Variants in PIGZ observed in about 807,000 individuals in gnomAD.
The protein encoded by PIGZ is GPI alpha-1,2-mannosyltransferase 4.
PIGZ carries 16 observed loss-of-function variants against 16.4 expected under a neutral mutation model. The observed-to-expected ratio is 0.97, with a 90% CI of 0.66 to 1.48. The LOEUF is 1.48. Ranked by LOEUF, PIGZ falls within the 40% of genes most tolerant of loss-of-function variation. The pLI is 0.00. For synonymous variants in PIGZ, 409 were observed against 338.4 expected (o/e 1.21, Z -2.29); for missense variants, 770 against 739.2 (o/e 1.04, Z -0.48).
At chr3:196,956,422 T>C (rs1438896392) in intron 1 of PIGZ, among the ~76,000 whole-genome samples, 3 of 152,050 alleles carry the variant, frequency 2.0e-5, no homozygotes, top group Non-Finnish European at 1.5e-5. Context: ...AAAGGGGGTT[T>C]CCCCTTATAA....
chr3:196,946,713 C>CA lies in PIGZ; in HGVS notation c.*443dup, dbSNP rs1405429873. The stretch of plus-strand genomic sequence containing the variant: ...CTATACTTCGTCTCACTGACTTGCA[C>CA]ATATTTCGATAGGCAGATGGGTCTT... On this transcript the variant is annotated 3_prime_UTR_variant, in exon 3 of 3. Transcript: ENST00000412723. 1 of 154,634 alleles carries CA rather than the reference C, an allele frequency of 6.5e-6. No homozygotes were observed. The highest frequency in any genetic ancestry group is 2.4e-5 in the African/African-American group (1 of 41,522). The allele number at this position is 154,634 out of a possible 1,614,324, so 9.6% of individuals were successfully genotyped here. A position where few individuals can be genotyped will look rare whatever the true frequency, so the allele number is the denominator to read the frequency against.
At chr3:196,968,202 C>A (rs1473494948) in intron 1 of PIGZ, among the ~76,000 whole-genome samples, 1 of 152,204 alleles carries the variant, frequency 6.6e-6, no homozygotes, top group African/African-American at 2.4e-5. Context: ...CGAAGTGCAG[C>A]CCCCGAGGCC....
At chr3:196,957,440 T>C (rs556011966) in intron 1 of PIGZ, among the ~76,000 whole-genome samples, 2 of 151,372 alleles carry the variant, frequency 1.3e-5, no homozygotes, top group East Asian at 3.9e-4. Context: ...TGGAGTGCAG[T>C]GGCATGATCT....
rs1716881716 is a variant in PIGZ at position 196,946,499 on chromosome 3, A to AG, written c.*657dup. The AG allele has an allele frequency of 6.6e-6, 1 of 152,256 alleles. No individual in the cohort carries two copies. The highest frequency in any genetic ancestry group is 1.5e-5 in the Non-Finnish European group (1 of 68,064). 9.4% of individuals were successfully genotyped at this position (152,256 alleles called of 1,614,324 possible). A position where few individuals can be genotyped will look rare whatever the true frequency, so the allele number is the denominator to read the frequency against. On this transcript the variant is annotated 3_prime_UTR_variant, in exon 3 of 3. Transcript: ENST00000412723. ...TTGTGAGAGCTGTGCCTGTTGAGGC[A>AG]GGGGACGTGTACTGTGGACTCCAGG...
At chr3:196,948,831 T>C (rs11719142) in intron 2 of PIGZ, 146 bp from the exon 3 acceptor site, 51,381 of 404,816 alleles carry the variant, frequency 0.13, 4,501 homozygotes, top group Middle Eastern at 0.21. Context: ...TTTTCCTCCC[T>C]TCCCTCCCTC....
In PIGZ at chr3:196,948,152, G is replaced by A. The variant is rs1362247373; in HGVS notation, c.745C>T (p.Pro249Ser). 2.5e-6 allele frequency: 4 copies of A among 1,611,724 alleles called. No individual in the cohort carries two copies. The Admixed American group carries it at 5.0e-5, about 20-fold the overall frequency. Reference sequence around the variant, plus strand: ...TCCCGGGTCAGAGACTTCAAACCAGGGTTTGTGGCTCCACGAGTGCCCCAG... The same window carrying A: ...TCCCGGGTCAGAGACTTCAAACCAGAGTTTGTGGCTCCACGAGTGCCCCAG... ...YLWGTRGATN[P>S]GLKSLTREAL... The change falls in exon 3 of 3, where the codon CCT (proline) becomes TCT (serine). Residue 249 changes from proline to serine, a missense_variant. By Grantham distance (74) the Pro-to-Ser change is moderately conservative (BLOSUM62 -1). Coordinates refer to ENST00000412723, the MANE Select transcript of PIGZ (RefSeq NM_025163.4).
At position 196,948,464 on chromosome 3, in the gene PIGZ, A is replaced by G. The variant is rs763406011; in HGVS notation, c.433T>C (p.Tyr145His). The change falls in exon 3 of 3, where the codon TAC (tyrosine) becomes CAC (histidine). Residue 145 changes from tyrosine (Y) to histidine (H), a missense_variant. Transcript: ENST00000412723. ...ALSFALDGAV[Y>H]HLAPPMGADR... ...GCCCCCATCGGCGGGGCCAGGTGGTACACGGCCCCGTCCAGAGCAAAGGAA... is the reference window on the plus strand; with the variant it reads ...GCCCCCATCGGCGGGGCCAGGTGGTGCACGGCCCCGTCCAGAGCAAAGGAA... 5 of 1,613,904 alleles carry G rather than the reference A, an allele frequency of 3.1e-6. No individual in the cohort carries two copies. In the Admixed American group the frequency reaches 6.7e-5, roughly 22 times the overall value.
rs1237902081 is a variant in PIGZ at position 196,948,441 on chromosome 3, C to T, written c.456G>A (p.Gly152=). The T allele has an allele frequency of 6.2e-7, 1 of 1,614,146 alleles. No individual in the cohort carries two copies. The highest frequency in any genetic ancestry group is 1.7e-5 in the Admixed American group (1 of 60,016). ...GAVYHLAPPM[G]ADRWNALALL... is the part of the protein sequence containing the mutation. ...GGGCCAGGGCGTTCCAGCGATCCGC[C>T]CCCATCGGCGGGGCCAGGTGGTACA... Residue 152 remains glycine, a synonymous_variant, in exon 3 of 3, where the codon GGG becomes GGA. Coordinates refer to ENST00000412723, the MANE Select transcript of PIGZ (RefSeq NM_025163.4).
chr3:196,961,170 TA>T (rs1717708690), intron 1 of PIGZ, among the ~76,000 whole-genome samples: 2 of 152,206 alleles, frequency 1.3e-5, no homozygotes, highest in African/African-American at 4.8e-5. Context: ...AATGGCTTTC[TA>T]ACCCTGAGTC....
rs1432094719 is a variant in PIGZ, at chr3:196,966,695, C to T, written c.-1+1992G>A. 2.0e-5 allele frequency among the ~76,000 whole-genome samples: 3 copies of T among 152,364 alleles called. No homozygotes were observed. In the East Asian group the frequency reaches 5.8e-4, roughly 29 times the overall value. On this transcript the variant is annotated intron_variant, in intron 1 of 2. Transcript: ENST00000412723. ...GCTGGCGTCTCTCCAGTCTGAGACC[C>T]CACTGGAGGAGCTGTCCATGTGGCT...
Position 196,947,554 on chromosome 3 carries a change from G to T in PIGZ, c.1343C>A (p.Ala448Asp), listed in dbSNP as rs1469965254. The T allele has an allele frequency of 6.2e-7, 1 of 1,613,674 alleles. No homozygotes were observed. Among genetic ancestry groups the T allele is most frequent in the Non-Finnish European group, 8.5e-7 (1 of 1,180,000 alleles). The stretch of plus-strand genomic sequence containing the variant: ...GGTGGGTGTGCTTGGGAGCACAGGG[G>T]CATGGACCACCTGCTCCAGGTACTC... ...GLEYLEQVVH[A>D]PVLPSTPTHY... Residue 448 changes from alanine to aspartate, a missense_variant, in exon 3 of 3, where the codon GCC (alanine) becomes GAC (aspartate). Physicochemically the swap from Ala to Asp is moderately radical, Grantham distance 126. Transcript: ENST00000412723.
chr3:196,954,046 G>C (rs1211536302), intron 1 of PIGZ, among the ~76,000 whole-genome samples: 1 of 151,986 alleles, frequency 6.6e-6, no homozygotes, highest in Non-Finnish European at 1.5e-5. Context: ...CCTTTGGGAG[G>C]CTGAGGCAGG....
chr3:196,951,867 G>T lies in PIGZ; in HGVS notation c.165C>A (p.Gly55=). Residue 55 remains glycine (G), a synonymous_variant, in exon 2 of 3, where the codon GGC becomes GGA. Transcript: ENST00000412723. ...RVLWCLLPQT[G]YVHPDEFFQS... is the part of the protein sequence containing the mutation. ...GGAAGAACTCATCTGGGTGCACATA[G>T]CCCGTCTGCGGAAGGAGACACCACA... 2 of 1,614,118 alleles carry T rather than the reference G, an allele frequency of 1.2e-6. No individual in the cohort carries two copies. Among genetic ancestry groups the T allele is most frequent in the Non-Finnish European group, 1.7e-6 (2 of 1,180,018 alleles).
chr3:196,948,268 C>G lies in PIGZ; in HGVS notation c.629G>C (p.Arg210Pro), dbSNP rs754667053. 1 of 1,614,144 alleles carries G rather than the reference C, an allele frequency of 6.2e-7. No individual in the cohort carries two copies. Residue 210 changes from arginine to proline, a missense_variant, in exon 3 of 3, where the codon CGG becomes CCG. Arg to Pro is a moderately radical substitution (Grantham distance 103). Coordinates refer to ENST00000412723, the MANE Select transcript of PIGZ (RefSeq NM_025163.4). ...PTRKEPAPGP[R>P]WRSWLLGGIV... Reference sequence around the variant, plus strand: ...GCCTCCAAGAAGCCAGCTGCGCCACCGTGGACCCGGCGCCGGCTCCTTGCG... The same window carrying G: ...GCCTCCAAGAAGCCAGCTGCGCCACGGTGGACCCGGCGCCGGCTCCTTGCG...
At chr3:196,951,415 C>G in intron 2 of PIGZ, 1 of 268,928 alleles carries the variant, frequency 3.7e-6, no homozygotes, top group South Asian at 4.3e-5. Flanking sequence ...TCTGGGTTCC[C>G]TTACCCCTCT....
intron 1 of PIGZ, among the ~76,000 whole-genome samples, chr3:196,964,932 G>A (rs1418059917): frequency 1.3e-5 from 2 of 152,128 alleles, no homozygotes; most frequent in African/African-American, 2.4e-5. Flanking sequence ...GAACTACTAA[G>A]TTGGTGGAGC....
At position 196,947,163 on chromosome 3, in the gene PIGZ, T is replaced by C; in HGVS notation, c.1734A>G (p.Glu578=). Residue 578 remains glutamate (E), a synonymous_variant, in exon 3 of 3, where the codon GAA becomes GAG. Transcript: ENST00000412723. ...TGGGTGCTCTGTCATATTGTCAGGT[T>C]TCTTCCCCCAGCTCCACAATGTGAA... ...LSLHIVELGE[E]T The C allele has an allele frequency of 1.3e-6, 2 of 1,546,858 alleles. No homozygotes were observed. The highest frequency in any genetic ancestry group is 1.7e-6 in the Non-Finnish European group (2 of 1,145,242).
intron 1 of PIGZ, among the ~76,000 whole-genome samples, chr3:196,960,074 C>G (rs1717647951): frequency 6.6e-6 from 1 of 152,220 alleles, no homozygotes; most frequent in African/African-American, 2.4e-5. Context: ...GACACAGTTG[C>G]AGTTATGGTG....
At chr3:196,966,671 C>G (rs905344889) in intron 1 of PIGZ, among the ~76,000 whole-genome samples, 2 of 152,262 alleles carry the variant, frequency 1.3e-5, no homozygotes, top group Non-Finnish European at 2.9e-5. Flanking sequence ...CCCCCGCCCG[C>G]TGGCGTCTCT....
Sources: allele counts gnomAD v4.1 joint callset (sites outside exome capture counted in the v4.1 genomes callset), GRCh38; gene constraint gnomAD v4.1.1; transcripts MANE v1.5; gene names NCBI Gene and HGNC (gene_info 2026-07-23, HGNC 2026-07-21).